The following SIPA1L1 variants were observed in gnomAD, a reference collection of about 807,000 sequenced individuals.
The protein encoded by SIPA1L1 is signal induced proliferation associated 1 like 1, also known as signal-induced proliferation-associated 1-like protein 1.
In SIPA1L1, 26 loss-of-function variants were observed where a neutral mutation model predicts 162.7. That is an observed-to-expected ratio of 0.16 (90% CI 0.12 to 0.22). The LOEUF is 0.22. Ranked by LOEUF, SIPA1L1 falls within the 10% of genes least tolerant of loss-of-function variation. The probability of loss-of-function intolerance (pLI) is 1.00; values close to 1 mark genes in which losing one functional copy is unlikely to be tolerated. For missense variants in SIPA1L1, 1,874 were observed against 2,241.0 expected, an observed-to-expected ratio of 0.84 and a Z score of 3.31; for synonymous variants, 829 against 837.4, an observed-to-expected ratio of 0.99 and a Z score of 0.17.
At chr14:71,412,183 A>C (rs1055568960) in intron 2 of SIPA1L1, among the ~76,000 whole-genome samples, 1 of 152,254 alleles carries the variant, frequency 6.6e-6, no homozygotes, top group African/African-American at 2.4e-5. Context: ...TCTGACTCTC[A>C]GAATATCTTT....
chr14:71,720,410 G>T (rs1182158113), intron 17 of SIPA1L1, among the ~76,000 whole-genome samples: 1 of 152,000 alleles, frequency 6.6e-6, no homozygotes, highest in African/African-American at 2.4e-5. Context: ...GTGAAATTCT[G>T]TCTCTACTAA....
At chr14:71,623,999 G>C in intron 6 of SIPA1L1, 49 bp from the exon 7 acceptor site, 1 of 1,496,544 alleles carries the variant, frequency 6.7e-7, no homozygotes. Context: ...CATGTGTTCA[G>C]GCATCTCACA....
At chr14:71,356,567 C>CAAAAAAAAAAAAAAAAAAAAAAAAAAA (rs71105772) in intron 2 of SIPA1L1, among the ~76,000 whole-genome samples, 6 of 39,162 alleles carry the variant, frequency 1.5e-4, no homozygotes, top group South Asian at 1.3e-3. Flanking sequence ...CTTGTCTCTA[C>CAAAAAAAAAAAAAAAAAAAAAAAAAAA]AAAAAAAAAA....
intron 4 of SIPA1L1, among the ~76,000 whole-genome samples, chr14:71,557,346 G>C (rs2056435072): frequency 6.6e-6 from 1 of 152,096 alleles, no homozygotes; most frequent in Non-Finnish European, 1.5e-5. Flanking sequence ...TTCCCCATTA[G>C]ATATCACATT....
intron 5 of SIPA1L1, among the ~76,000 whole-genome samples, chr14:71,602,891 T>G (rs943552972): frequency 1.3e-5 from 2 of 152,230 alleles, no homozygotes; most frequent in Non-Finnish European, 2.9e-5. Flanking sequence ...GCCTGTCCCC[T>G]GTCCCCACCA....
chr14:71,676,205 A>AT (rs1254716236), intron 12 of SIPA1L1, among the ~76,000 whole-genome samples: 4 of 151,616 alleles, frequency 2.6e-5, no homozygotes, highest in African/African-American at 9.7e-5. Context: ...AGGTAGGAGA[A>AT]TCACTTGACC....
chr14:71,723,734 C>T lies in SIPA1L1; in HGVS notation c.4296C>T (p.Pro1432=), dbSNP rs2083967175. ...AAGAAGAGCTTCATCCAGCTGCCCC[C>T]TCACAGCTCGCACCATCCTTCTCCT... The part of the protein sequence containing the change: ...SPKEELHPAA[P]SQLAPSFSSS... The change falls in exon 18 of 24, where the codon CCC becomes CCT. Residue 1432 remains proline, a synonymous_variant. Transcript: ENST00000381232. 6 of 1,614,120 alleles carry T rather than the reference C, an allele frequency of 3.7e-6. No homozygotes were observed. Among genetic ancestry groups the T allele is most frequent in the Admixed American group, 1.7e-5 (1 of 60,014 alleles).
intron 2 of SIPA1L1, among the ~76,000 whole-genome samples, chr14:71,397,631 G>A (rs2041314664): frequency 1.3e-5 from 2 of 152,158 alleles, no homozygotes; most frequent in East Asian, 1.9e-4. Context: ...TCCTGAGCAG[G>A]TCATTTAAAA....
intron 2 of SIPA1L1, among the ~76,000 whole-genome samples, chr14:71,330,139 C>T (rs569666918): frequency 2.6e-5 from 4 of 152,322 alleles, no homozygotes; most frequent in African/African-American, 9.6e-5. Flanking sequence ...TATCATCATC[C>T]TTCTCCAAAT....
rs1333195922 is a variant in SIPA1L1, at chr14:71,685,156, A to T, written c.3105-206A>T. On this transcript the variant is annotated intron_variant, in intron 12 of 23. Coordinates refer to ENST00000381232, the MANE Select transcript of SIPA1L1 (RefSeq NM_001386936.1). Reference sequence around the variant, plus strand: ...TCTCGCACTCAAAAAGTTGGGATTGAGTAAAGGAAAATACTATTATAATAC... The same window carrying T: ...TCTCGCACTCAAAAAGTTGGGATTGTGTAAAGGAAAATACTATTATAATAC... Among the ~76,000 whole-genome samples the T allele has an allele frequency of 5.3e-5, 8 of 152,318 alleles. No homozygotes were observed. In the East Asian group the frequency reaches 1.5e-3, roughly 29 times the overall value.
intron 2 of SIPA1L1, among the ~76,000 whole-genome samples, chr14:71,428,764 T>C (rs964688388): frequency 2.6e-5 from 4 of 152,218 alleles, no homozygotes; most frequent in Non-Finnish European, 5.9e-5. Flanking sequence ...ATCCCTGATA[T>C]TTAGAGGGCA....
At chr14:71,446,036 A>G (rs563038304) in intron 2 of SIPA1L1, among the ~76,000 whole-genome samples, 1 of 152,050 alleles carries the variant, frequency 6.6e-6, no homozygotes, top group East Asian at 1.9e-4. Flanking sequence ...TTTGTAGAAG[A>G]TGGAATCTCA....
Position 71,685,650 on chromosome 14 carries a change from G to A in SIPA1L1, c.3374+19G>A. ...AGAGGCGGTAAGTGTGCCTTCAAAG[G>A]TTTGCTCTATCTCTCTCTGCCCCAA... On this transcript the variant is annotated intron_variant, in intron 13 of 23. Transcript: ENST00000381232. 6.2e-7 allele frequency: 1 copy of A among 1,612,738 alleles called. No homozygotes were observed. The highest frequency in any genetic ancestry group is 1.1e-5 in the South Asian group (1 of 91,034).
At chr14:71,590,890 C>T (rs1413966212) in intron 5 of SIPA1L1, among the ~76,000 whole-genome samples, 2 of 152,120 alleles carry the variant, frequency 1.3e-5, no homozygotes, top group Non-Finnish European at 2.9e-5. Context: ...CTGGCTTCCA[C>T]ACTATTAATG....
intron 2 of SIPA1L1, among the ~76,000 whole-genome samples, chr14:71,502,255 AATAT>A (rs60241101): frequency 1.0e-4 from 10 of 97,546 alleles, no homozygotes; most frequent in South Asian, 3.6e-4. Context: ...AAAAAAAAAA[AATAT>A]ATATATATAT....
intron 5 of SIPA1L1, among the ~76,000 whole-genome samples, chr14:71,608,381 G>T (rs1251399022): frequency 2.0e-5 from 3 of 152,090 alleles, no homozygotes; most frequent in African/African-American, 7.2e-5. Flanking sequence ...AATATCCCTG[G>T]TAAGGAGGTA....
At chr14:71,409,217 C>T (rs1054959444) in intron 2 of SIPA1L1, among the ~76,000 whole-genome samples, 12 of 152,188 alleles carry the variant, frequency 7.9e-5, no homozygotes, top group African/African-American at 2.9e-4. Context: ...AAGGGTGCCT[C>T]ATCGGAACCA....
Position 71,588,999 on chromosome 14 carries a change from T to C in SIPA1L1, c.1127T>C (p.Leu376Pro). Residue 376 changes from leucine to proline, a missense_variant, in exon 5 of 24, where the codon CTG becomes CCG. This residue lies in a region of SIPA1L1 where 685 missense variants were observed against 828.0 expected (regional missense o/e 0.83). Transcript: ENST00000381232. This position sits in a 1 kb window ranked among gnomAD's most constrained non-coding sequence, Gnocchi z 4.3. The stretch of plus-strand genomic sequence containing the variant: ...GTGGCATCCTTGGTCTCTGGACCTC[T>C]GTCTCATTCAGCCAGTTTTAGCTCC... ...AAVASLVSGP[L>P]SHSASFSSPM... The C allele has an allele frequency of 6.2e-7, 1 of 1,614,142 alleles. No homozygotes were observed.
intron 2 of SIPA1L1, among the ~76,000 whole-genome samples, chr14:71,360,290 G>C (rs1248461144): frequency 6.6e-6 from 1 of 152,180 alleles, no homozygotes; most frequent in Non-Finnish European, 1.5e-5. Context: ...TTGACCTTTA[G>C]AATTCAGTGA....
Sources: allele counts gnomAD v4.1 joint callset (sites outside exome capture counted in the v4.1 genomes callset), GRCh38; gene constraint gnomAD v4.1.1; regional missense constraint gnomAD v4.1.1; non-coding constraint Gnocchi (gnomAD v3.1); transcripts MANE v1.5; gene names NCBI Gene and HGNC (gene_info 2026-07-23, HGNC 2026-07-21).